Variants in MAPKAP1 observed in about 807,000 individuals in gnomAD.
The protein encoded by MAPKAP1 is target of rapamycin complex 2 subunit MAPKAP1.
Under a neutral mutation model 65.7 loss-of-function variants are expected in MAPKAP1, and 20 were observed. The observed-to-expected ratio is 0.30, with a 90% CI of 0.21 to 0.44. The LOEUF (loss-of-function observed/expected upper bound fraction) is 0.44. MAPKAP1 is among the 20% of genes least tolerant of loss of function. The pLI is 1.00. For synonymous variants in MAPKAP1, 222 were observed against 244.3 expected, an observed-to-expected ratio of 0.91 and a Z score of 0.85; for missense variants, 423 against 648.0, an observed-to-expected ratio of 0.65 and a Z score of 3.77.
At chr9:125,566,592 GA>G (rs1831061495) in intron 5 of MAPKAP1, among the ~76,000 whole-genome samples, 1 of 137,870 alleles carries the variant, frequency 7.3e-6, no homozygotes, top group Non-Finnish European at 1.5e-5. Context: ...AAAAGAAAAA[GA>G]AAAAGAAAAA....
chr9:125,657,306 T>C (rs1834059812), intron 4 of MAPKAP1, among the ~76,000 whole-genome samples: 1 of 152,078 alleles, frequency 6.6e-6, no homozygotes, highest in South Asian at 2.1e-4. Context: ...CTCTCATATA[T>C]ATATAAACAT....
intron 7 of MAPKAP1, among the ~76,000 whole-genome samples, chr9:125,525,818 T>C (rs1212558408): frequency 2.0e-5 from 3 of 151,976 alleles, no homozygotes; most frequent in East Asian, 1.9e-4. Context: ...AAGACTATGA[T>C]CTGGTTGGGA....
intron 1 of MAPKAP1, among the ~76,000 whole-genome samples, chr9:125,685,193 A>G (rs988665879): frequency 4.6e-5 from 7 of 152,180 alleles, no homozygotes; most frequent in African/African-American, 1.4e-4. Flanking sequence ...GAAGTAAATT[A>G]TATAGTGAGT....
At chr9:125,491,695 C>G (rs998935637) in intron 8 of MAPKAP1, among the ~76,000 whole-genome samples, 2 of 151,282 alleles carry the variant, frequency 1.3e-5, no homozygotes, top group African/African-American at 4.9e-5. Flanking sequence ...GTGGGAGGAT[C>G]GCTTGAGCCT....
At chr9:125,610,427 G>T (rs10986815) in intron 4 of MAPKAP1, among the ~76,000 whole-genome samples, 2,992 of 152,258 alleles carry the variant, frequency 0.02, 161 homozygotes, top group East Asian at 0.15. Context: ...AGTGAAAAGA[G>T]AATCTAGAAT....
In MAPKAP1 at chr9:125,521,913, T is replaced by C. The variant is rs548893442; in HGVS notation, c.959-15496A>G. On this transcript the variant is annotated intron_variant, in intron 7 of 11. Transcript: ENST00000265960. ...TCAGTCAGCAGACTCTGTTATGATA[T>C]ATTGGAATCTGAAGACTTTCATTCA... 2.1e-4 allele frequency: 151 copies of C among 711,468 alleles called. 1 individual carries two copies. In the South Asian group the frequency reaches 2.4e-3, roughly 11 times the overall value. 44.1% of individuals were successfully genotyped at this position (711,468 alleles called of 1,614,324 possible).
chr9:125,513,157 T>C (rs1203233713), intron 7 of MAPKAP1: 1 of 152,208 alleles, frequency 6.6e-6, no homozygotes, highest in Non-Finnish European at 1.5e-5. Flanking sequence ...AACCCTCCCA[T>C]ATCAGCCTCC....
At chr9:125,576,630 T>C (rs971881301) in intron 5 of MAPKAP1, among the ~76,000 whole-genome samples, 3 of 152,230 alleles carry the variant, frequency 2.0e-5, no homozygotes, top group African/African-American at 7.2e-5. Flanking sequence ...CTGATTCTCC[T>C]GCCTCAGCCT....
chr9:125,612,426 T>G (rs1223025623), intron 4 of MAPKAP1, among the ~76,000 whole-genome samples: 1 of 152,114 alleles, frequency 6.6e-6, no homozygotes, highest in Admixed American at 6.5e-5. Context: ...AATTTAAAAT[T>G]TTTATGTTAG....
At chr9:125,651,997 AC>A (rs1262090300) in intron 4 of MAPKAP1, 1 of 643,126 alleles carries the variant, frequency 1.6e-6, no homozygotes, top group Non-Finnish European at 2.1e-6. Context: ...CCAGAAGCAA[AC>A]GTAGTTTAAC....
chr9:125,629,014 G>A lies in MAPKAP1; in HGVS notation c.498+28637C>T, dbSNP rs573397056. ...GAGAAACACGAATTGAAACCACAAC[G>A]AGGTACCATACTTACACCTGTTAGG... On this transcript the variant is annotated intron_variant, in intron 4 of 11. Transcript: ENST00000265960. Among the ~76,000 whole-genome samples the A allele has an allele frequency of 4.6e-5, 7 of 151,414 alleles. No individual in the cohort carries two copies. In the East Asian group the frequency reaches 7.8e-4, roughly 17 times the overall value.
chr9:125,438,545 C>T lies in MAPKAP1; in HGVS notation c.*342G>A. 1 of 410,962 alleles carries T rather than the reference C, an allele frequency of 2.4e-6. No individual in the cohort carries two copies. Among genetic ancestry groups the T allele is most frequent in the Non-Finnish European group, 4.3e-6 (1 of 233,826 alleles). 25.5% of individuals were successfully genotyped at this position (410,962 alleles called of 1,614,324 possible). On this transcript the variant is annotated 3_prime_UTR_variant, in exon 12 of 12. Coordinates refer to ENST00000265960, the MANE Select transcript of MAPKAP1 (RefSeq NM_001006617.3). ...TGTTGTTTGCTTTAAGAAATTTGATCAAGTTGCAAGGAAATGTGTGGGCAC... is the reference window on the plus strand; with the variant it reads ...TGTTGTTTGCTTTAAGAAATTTGATTAAGTTGCAAGGAAATGTGTGGGCAC...
At chr9:125,513,207 T>C (rs933369924) in intron 7 of MAPKAP1, 3 of 152,144 alleles carry the variant, frequency 2.0e-5, no homozygotes, top group African/African-American at 7.2e-5. Context: ...CTGCACTCAG[T>C]GGTTTGTGTA....
At chr9:125,564,911 C>G (rs1831002637) in intron 5 of MAPKAP1, among the ~76,000 whole-genome samples, 1 of 152,040 alleles carries the variant, frequency 6.6e-6, no homozygotes, top group Non-Finnish European at 1.5e-5. Flanking sequence ...TGAACAAGTA[C>G]AGGATAACTG....
At chr9:125,672,155 G>T (rs945599214) in intron 2 of MAPKAP1, among the ~76,000 whole-genome samples, 161 bp downstream of exon 2, 3 of 152,158 alleles carry the variant, frequency 2.0e-5, no homozygotes, top group Non-Finnish European at 4.4e-5. Flanking sequence ...CAGTCGCAGA[G>T]ATGGAGATGT....
rs907279312 is a variant in MAPKAP1 at position 125,447,291 on chromosome 9, C to T, written c.1346-2693G>A. The T allele has an allele frequency of 1.2e-5, 5 of 409,934 alleles. No homozygotes were observed. The highest frequency in any genetic ancestry group is 3.5e-4 in the Middle Eastern group (1 of 2,856). 25.4% of individuals were successfully genotyped at this position (409,934 alleles called of 1,614,324 possible). On this transcript the variant is annotated intron_variant, in intron 10 of 11. Transcript: ENST00000265960. The surrounding 1 kb of genome is among the most constrained non-coding windows in gnomAD (Gnocchi z 4.5). ...ATTCCCCCACTCTCCCTCAAGCCTC[C>T]GGTCTGTTTGTCCTTTCCAGTGAAA...
chr9:125,633,156 G>A (rs1306545851), intron 4 of MAPKAP1, among the ~76,000 whole-genome samples: 2 of 152,222 alleles, frequency 1.3e-5, no homozygotes, highest in African/African-American at 4.8e-5. Context: ...GTTGCTGAAG[G>A]AGACTTCATG....
At chr9:125,619,886 TA>T (rs1039074322) in intron 4 of MAPKAP1, among the ~76,000 whole-genome samples, 3 of 152,058 alleles carry the variant, frequency 2.0e-5, no homozygotes, top group African/African-American at 4.8e-5. Flanking sequence ...AATATATTTT[TA>T]AAAAAATCTT....
At chr9:125,445,501 T>A (rs1051441852) in intron 10 of MAPKAP1, among the ~76,000 whole-genome samples, 1 of 152,262 alleles carries the variant, frequency 6.6e-6, no homozygotes, top group African/African-American at 2.4e-5. Context: ...TAACCACACT[T>A]CTAGGCGCAC....
Sources: allele counts gnomAD v4.1 joint callset (sites outside exome capture counted in the v4.1 genomes callset), GRCh38; gene constraint gnomAD v4.1.1; non-coding constraint Gnocchi (gnomAD v3.1); transcripts MANE v1.5; gene names NCBI Gene and HGNC (gene_info 2026-07-23, HGNC 2026-07-21).